The following ARHGAP39 variants were observed in gnomAD, a reference collection of about 807,000 sequenced individuals.
The protein encoded by ARHGAP39 is Rho GTPase activating protein 39.
A neutral mutation model predicts 106.9 loss-of-function variants in ARHGAP39; 44 were observed. The ratio of observed to expected loss-of-function variants is 0.41; its 90% CI spans 0.32 to 0.53. The LOEUF (loss-of-function observed/expected upper bound fraction) is 0.53. Among genes scored for constraint, ARHGAP39 ranks in the 20% least tolerant of loss-of-function variants. The pLI is 0.21. For missense variants in ARHGAP39, 1,496 were observed against 1,577.3 expected, an observed-to-expected ratio of 0.95 and a Z score of 0.87; for synonymous variants, 768 against 693.2, an observed-to-expected ratio of 1.11 and a Z score of -1.69.
At chr8:144,551,954 C>T (rs760745199) in intron 4 of ARHGAP39, among the ~76,000 whole-genome samples, 5 of 152,244 alleles carry the variant, frequency 3.3e-5, no homozygotes, top group Non-Finnish European at 7.3e-5. Flanking sequence ...CCTCTCTCCT[C>T]ACCCTTCTCT....
At chr8:144,617,585 C>CA (rs869298361) in intron 1 of ARHGAP39, among the ~76,000 whole-genome samples, 1,689 of 68,532 alleles carry the variant, frequency 0.025, 12 homozygotes, top group African/African-American at 0.048. Context: ...ACTGAAAAGA[C>CA]AAAAAAAAAA....
chr8:144,656,000 C>T (rs1821683300), intron 1 of ARHGAP39, among the ~76,000 whole-genome samples: 1 of 152,086 alleles, frequency 6.6e-6, no homozygotes, highest in South Asian at 2.1e-4. Flanking sequence ...GAATCCCATG[C>T]CCAGTTAAAC....
chr8:144,604,162 G>A lies in ARHGAP39; in HGVS notation c.80+1373C>T, dbSNP rs1820192599. Among the ~76,000 whole-genome samples the A allele has an allele frequency of 6.6e-6, 1 of 152,188 alleles. No homozygotes were observed. Among genetic ancestry groups the A allele is most frequent in the African/African-American group, 2.4e-5 (1 of 41,434 alleles). On this transcript the variant is annotated intron_variant, in intron 2 of 11. Coordinates refer to ENST00000377307, the MANE Select transcript of ARHGAP39 (RefSeq NM_025251.3). This position sits in a 1 kb window ranked among gnomAD's most constrained non-coding sequence, Gnocchi z 4.1. The stretch of plus-strand genomic sequence containing the variant: ...AGGGAGGCACAAAGCATCAGACACG[G>A]AGCCGGGCCCAGAGCGCCCAGAGGT...
chr8:144,545,178 C>T lies in ARHGAP39; in HGVS notation c.2521+71G>A, dbSNP rs769995461. 26 of 1,353,880 alleles carry T rather than the reference C, an allele frequency of 1.9e-5. No individual in the cohort carries two copies. In the East Asian group the frequency reaches 2.3e-4, roughly 12 times the overall value. The allele number at this position is 1,353,880 out of a possible 1,614,324, so 83.9% of individuals were successfully genotyped here. Reference sequence around the variant, plus strand: ...GGCCGCCAGGGACTTCACCAGCTGCCGCCCAGCACAGCAGGAGCCCTCTCC... The same window carrying T: ...GGCCGCCAGGGACTTCACCAGCTGCTGCCCAGCACAGCAGGAGCCCTCTCC... On this transcript the variant is annotated intron_variant, in intron 6 of 11. Coordinates refer to ENST00000377307, the MANE Select transcript of ARHGAP39 (RefSeq NM_025251.3).
rs762114704 is a variant in ARHGAP39, at chr8:144,670,850, G to C, written c.-82+14836C>G. Among the ~76,000 whole-genome samples the C allele has an allele frequency of 3.3e-4, 50 of 152,136 alleles. No individual in the cohort carries two copies. Among genetic ancestry groups the C allele is most frequent in the Admixed American group, 1.0e-3 (16 of 15,276 alleles). On this transcript the variant is annotated intron_variant, in intron 1 of 11. Coordinates refer to ENST00000377307, the MANE Select transcript of ARHGAP39 (RefSeq NM_025251.3). The surrounding 1 kb of genome is among the most constrained non-coding windows in gnomAD (Gnocchi z 4.4). ...AGACTCTGAGCTTCAAGAGACAAACGCTTTACCCCTGCACTGCCAGCCCCG... is the reference window on the plus strand; with the variant it reads ...AGACTCTGAGCTTCAAGAGACAAACCCTTTACCCCTGCACTGCCAGCCCCG...
intron 2 of ARHGAP39, among the ~76,000 whole-genome samples, chr8:144,594,108 A>C (rs1362474825): frequency 6.6e-6 from 1 of 151,552 alleles, no homozygotes; most frequent in Non-Finnish European, 1.5e-5. Context: ...AAAAAAAAAA[A>C]GATAAATACC....
chr8:144,557,836 T>C (rs1286915198), intron 3 of ARHGAP39, among the ~76,000 whole-genome samples: 1 of 152,254 alleles, frequency 6.6e-6, no homozygotes, highest in Non-Finnish European at 1.5e-5. Context: ...GAATTATTTA[T>C]CCTTACCACC....
At chr8:144,580,707 T>G (rs1586575328) in intron 3 of ARHGAP39, 139 bp downstream of exon 3, 1 of 828,276 alleles carries the variant, frequency 1.2e-6, no homozygotes, top group Non-Finnish European at 1.6e-6. Context: ...ATACCCGACC[T>G]ACTCCTAACC....
Position 144,670,806 on chromosome 8 carries a change from T to C in ARHGAP39, c.-82+14880A>G, listed in dbSNP as rs1450363293. 2.0e-5 allele frequency among the ~76,000 whole-genome samples: 3 copies of C among 152,244 alleles called. No homozygotes were observed. Among genetic ancestry groups the C allele is most frequent in the South Asian group, 4.1e-4 (2 of 4,830 alleles). Reference sequence around the variant, plus strand: ...CCACACACCGCAGCTGCCAACTGTGTGTATCTGTTTCCTGCACTAGACTCT... The same window carrying C: ...CCACACACCGCAGCTGCCAACTGTGCGTATCTGTTTCCTGCACTAGACTCT... On this transcript the variant is annotated intron_variant, in intron 1 of 11. Coordinates refer to ENST00000377307, the MANE Select transcript of ARHGAP39 (RefSeq NM_025251.3). This position sits in a 1 kb window ranked among gnomAD's most constrained non-coding sequence, Gnocchi z 4.4.
At chr8:144,696,529 T>G in the ARHGAP39 span, among the ~76,000 whole-genome samples, 2 of 152,232 alleles carry the variant, frequency 1.3e-5, no homozygotes, top group Non-Finnish European at 2.9e-5. Flanking sequence ...ATGCCTAATC[T>G]GTTTTTTATA....
chr8:144,597,043 G>A (rs1819648464), intron 2 of ARHGAP39, among the ~76,000 whole-genome samples: 1 of 152,210 alleles, frequency 6.6e-6, no homozygotes, highest in Admixed American at 6.5e-5. Flanking sequence ...TGGTGAGGGA[G>A]GAGCTGCGGG....
intron 1 of ARHGAP39, among the ~76,000 whole-genome samples, chr8:144,674,974 G>T (rs1247058477): frequency 1.3e-5 from 2 of 152,250 alleles, no homozygotes; most frequent in African/African-American, 4.8e-5. Context: ...AGGGGAAGGG[G>T]GGCTTCCTGA....
At chr8:144,631,614 G>A (rs773408894) in intron 1 of ARHGAP39, among the ~76,000 whole-genome samples, 3 of 152,168 alleles carry the variant, frequency 2.0e-5, no homozygotes, top group Non-Finnish European at 4.4e-5. Context: ...TGAACCTGTC[G>A]AGGTGGATGG....
At chr8:144,621,693 C>A (rs182144560) in intron 1 of ARHGAP39, among the ~76,000 whole-genome samples, 1 of 152,192 alleles carries the variant, frequency 6.6e-6, no homozygotes, top group African/African-American at 2.4e-5. Flanking sequence ...TGGTGCACAT[C>A]CATAGTCCCA....
chr8:144,547,844 C>T lies in ARHGAP39; in HGVS notation c.1242G>A (p.Pro414=), dbSNP rs1360646168. ...AGSSPKLRAG[P]RHKYAPNPGG... is the part of the protein sequence containing the mutation. The stretch of plus-strand genomic sequence containing the variant: ...CGGGGTTGGGCGCGTACTTGTGCCG[C>T]GGGCCGGCGCGCAGCTTGGGGCTGG... The change falls in exon 5 of 12, where the codon CCG becomes CCA. Residue 414 remains proline (P), a synonymous_variant. Transcript: ENST00000377307. This position sits in a 1 kb window ranked among gnomAD's most constrained non-coding sequence, Gnocchi z 5.2. The T allele has an allele frequency of 1.3e-6, 2 of 1,586,850 alleles. No individual in the cohort carries two copies. The highest frequency in any genetic ancestry group is 1.7e-6 in the Non-Finnish European group (2 of 1,167,402).
At chr8:144,622,838 C>G (rs2130969677) in intron 1 of ARHGAP39, among the ~76,000 whole-genome samples, 1 of 152,382 alleles carries the variant, frequency 6.6e-6, no homozygotes, top group Non-Finnish European at 1.5e-5. Flanking sequence ...TGCGCCCGCT[C>G]CTTTCACAGC....
At position 144,533,143 on chromosome 8, in the gene ARHGAP39, C is replaced by T. The variant is rs1019721546; in HGVS notation, c.2871G>A (p.Gln957=). ...CGTGGCACCTGAAGATGCCCTCTGT[C>T]TGGTCACCGTTGAGCGCCAGCACCT... ...SEEVLALNGD[Q]TEGIFRVPGD... Residue 957 remains glutamine (Q), a synonymous_variant, in exon 9 of 12, where the codon CAG becomes CAA. Coordinates refer to ENST00000377307, the MANE Select transcript of ARHGAP39 (RefSeq NM_025251.3). 5.0e-6 allele frequency: 8 copies of T among 1,604,350 alleles called. No homozygotes were observed. Among genetic ancestry groups the T allele is most frequent in the Non-Finnish European group, 6.8e-6 (8 of 1,176,706 alleles).
intron 2 of ARHGAP39, among the ~76,000 whole-genome samples, chr8:144,603,193 G>A (rs533930751): frequency 1.5e-4 from 22 of 146,436 alleles, no homozygotes; most frequent in African/African-American, 3.3e-4. Context: ...GTGTGTGTGC[G>A]TGGAGGCGTG....
At chr8:144,600,244 CTGCGTG>C (rs555359629) in intron 2 of ARHGAP39, among the ~76,000 whole-genome samples, 228 of 140,438 alleles carry the variant, frequency 1.6e-3, no homozygotes, top group African/African-American at 4.9e-3. Flanking sequence ...GTGTACCTAC[CTGCGTG>C]TGCGTGTGCG....
Sources: allele counts gnomAD v4.1 joint callset (sites outside exome capture counted in the v4.1 genomes callset), GRCh38; gene constraint gnomAD v4.1.1; non-coding constraint Gnocchi (gnomAD v3.1); transcripts MANE v1.5; gene names NCBI Gene and HGNC (gene_info 2026-07-23, HGNC 2026-07-21).